The following KIF6 variants were observed in gnomAD, a reference collection of about 807,000 sequenced individuals.
KIF6 encodes kinesin family member 6, also known as kinesin-like protein KIF6.
KIF6 carries 106 observed loss-of-function variants against 112.7 expected under a neutral mutation model. That is an observed-to-expected ratio of 0.94 (90% CI 0.80 to 1.11). The LOEUF (loss-of-function observed/expected upper bound fraction) is 1.11, where lower values mean the gene tolerates loss of function less well. KIF6 is among the 50% of genes least tolerant of loss of function. The pLI, the probability that KIF6 is intolerant of heterozygous loss-of-function variation, is 0.00. For missense variants in KIF6, 929 were observed against 964.0 expected (o/e 0.96, Z 0.48); for synonymous variants, 339 against 339.9 (o/e 1.00, Z 0.03).
Position 39,336,546 on chromosome 6 carries a change from A to T in KIF6, c.2431T>A (p.Leu811Met). Residue 811 changes from leucine to methionine, a missense_variant and splice_region_variant, in exon 23 of 23, where the codon TTG (leucine) becomes ATG (methionine). Transcript: ENST00000287152. ...TTCCTGGAAATTCAATTGCTTCCCA[A>T]ACCTGAAAGGGAGACAGGATGCTTT... ...ARQSILQKQC[L>M]GSN 1 of 1,613,998 alleles carries T rather than the reference A, an allele frequency of 6.2e-7. No homozygotes were observed. The highest frequency in any genetic ancestry group is 8.5e-7 in the Non-Finnish European group (1 of 1,179,930).
chr6:39,424,441 ACTCTTTT>A (rs1416844206), intron 14 of KIF6, among the ~76,000 whole-genome samples: 1 of 152,042 alleles, frequency 6.6e-6, no homozygotes, highest in East Asian at 1.9e-4. Flanking sequence ...TGCTTAATTC[ACTCTTTT>A]CTCTGGGGCT....
At chr6:39,474,541 C>T (rs1320096231) in intron 13 of KIF6, among the ~76,000 whole-genome samples, 1 of 152,200 alleles carries the variant, frequency 6.6e-6, no homozygotes, top group Non-Finnish European at 1.5e-5. Context: ...TCTTATAAAC[C>T]TTGTATTTCA....
chr6:39,618,969 G>C (rs1257333688), intron 5 of KIF6, among the ~76,000 whole-genome samples: 1 of 152,102 alleles, frequency 6.6e-6, no homozygotes, highest in Non-Finnish European at 1.5e-5. Context: ...TCTGTAACCA[G>C]ATTGCTCAAA....
intron 15 of KIF6, among the ~76,000 whole-genome samples, chr6:39,412,140 A>C (rs551341335): frequency 3.3e-5 from 5 of 152,172 alleles, no homozygotes; most frequent in Non-Finnish European, 5.9e-5. Flanking sequence ...TTAGTGTTCA[A>C]TCTTGCTAGT....
intron 5 of KIF6, among the ~76,000 whole-genome samples, chr6:39,634,329 A>T (rs561396884): frequency 5.3e-5 from 8 of 152,178 alleles, no homozygotes; most frequent in Non-Finnish European, 1.0e-4. Flanking sequence ...TGAAGACGCT[A>T]TTTAAATTTC....
At chr6:39,450,730 G>A (rs1401915980) in intron 13 of KIF6, among the ~76,000 whole-genome samples, 3 of 152,160 alleles carry the variant, frequency 2.0e-5, no homozygotes, top group African/African-American at 4.8e-5. Context: ...GCCTGAGCCC[G>A]GGAGGTTGAG....
rs181038237 is a variant in KIF6 at position 39,470,129 on chromosome 6, G to A, written c.1646-38968C>T. Among the ~76,000 whole-genome samples the A allele has an allele frequency of 3.7e-3, 571 of 152,330 alleles. 2 individuals carry two copies. The highest frequency in any genetic ancestry group is 0.014 in the Middle Eastern group (4 of 294). On this transcript the variant is annotated intron_variant, in intron 13 of 22. Coordinates refer to ENST00000287152, the MANE Select transcript of KIF6 (RefSeq NM_145027.6). ...GTTCTTCCATCACAGAATGGTGGGAGGGAGGGCCAAAGTGGATTATAGAGC... is the reference window on the plus strand; with the variant it reads ...GTTCTTCCATCACAGAATGGTGGGAAGGAGGGCCAAAGTGGATTATAGAGC...
At chr6:39,609,081 G>A (rs560376974) in intron 6 of KIF6, among the ~76,000 whole-genome samples, 6 of 152,284 alleles carry the variant, frequency 3.9e-5, no homozygotes, top group Admixed American at 1.3e-4. Flanking sequence ...ACTTGTCCAA[G>A]GACACACACT....
intron 13 of KIF6, among the ~76,000 whole-genome samples, chr6:39,454,548 A>C (rs1772917833): frequency 6.6e-6 from 1 of 151,678 alleles, no homozygotes; most frequent in Non-Finnish European, 1.5e-5. Context: ...AAAAAAAAAA[A>C]AAAAGATCGA....
At chr6:39,534,744 C>G (rs1023902045) in intron 13 of KIF6, among the ~76,000 whole-genome samples, 1 of 152,064 alleles carries the variant, frequency 6.6e-6, no homozygotes, top group Admixed American at 6.6e-5. Flanking sequence ...AAGAGCAACT[C>G]CAAGACACAT....
chr6:39,470,694 C>T (rs28533484), intron 13 of KIF6, among the ~76,000 whole-genome samples: 1 of 151,186 alleles, frequency 6.6e-6, no homozygotes, highest in Non-Finnish European at 1.5e-5. Flanking sequence ...CATCTACTGA[C>T]AGCTGTTTCC....
In KIF6 at chr6:39,419,932, A is replaced by G; in HGVS notation, c.1810+16T>C. 6.2e-7 allele frequency: 1 copy of G among 1,605,608 alleles called. No individual in the cohort carries two copies. The highest frequency in any genetic ancestry group is 1.3e-5 in the African/African-American group (1 of 74,882). On this transcript the variant is annotated intron_variant, in intron 15 of 22. Transcript: ENST00000287152. Reference sequence around the variant, plus strand: ...AATGGTTTCTGAAAGAGGCTCACAGAATATCATCTGCTTACCAATTTTACT... The same window carrying G: ...AATGGTTTCTGAAAGAGGCTCACAGGATATCATCTGCTTACCAATTTTACT...
At chr6:39,338,824 G>C (rs1763163949) in intron 22 of KIF6, among the ~76,000 whole-genome samples, 1 of 152,118 alleles carries the variant, frequency 6.6e-6, no homozygotes, top group African/African-American at 2.4e-5. Context: ...CTGCTGCACT[G>C]TTGAAATGCA....
At chr6:39,337,910 G>A (rs1763119214) in intron 22 of KIF6, among the ~76,000 whole-genome samples, 2 of 152,212 alleles carry the variant, frequency 1.3e-5, no homozygotes, top group South Asian at 4.1e-4. Context: ...GTGGCTTCTT[G>A]CTTCACAAAA....
intron 13 of KIF6, among the ~76,000 whole-genome samples, chr6:39,501,820 A>G (rs1315194728): frequency 1.3e-5 from 2 of 152,224 alleles, no homozygotes; most frequent in Non-Finnish European, 2.9e-5. Context: ...TCTCCAAGAA[A>G]TATGGGATTA....
intron 2 of KIF6, among the ~76,000 whole-genome samples, chr6:39,716,417 C>T (rs1015526118): frequency 3.3e-5 from 5 of 152,106 alleles, no homozygotes; most frequent in East Asian, 1.9e-4. Context: ...TTTAGAAGAA[C>T]GATTTTAGCA....
chr6:39,498,095 C>A (rs1005288439), intron 13 of KIF6, among the ~76,000 whole-genome samples: 2 of 152,086 alleles, frequency 1.3e-5, no homozygotes, highest in Non-Finnish European at 2.9e-5. Flanking sequence ...CTGCATGCAG[C>A]TTGGGATTTG....
chr6:39,345,503 G>A (rs1763628823), intron 21 of KIF6, among the ~76,000 whole-genome samples, 197 bp downstream of exon 21: 1 of 152,178 alleles, frequency 6.6e-6, no homozygotes, highest in African/African-American at 2.4e-5. Context: ...GTGACTGTGG[G>A]AGAAAACCTC....
intron 16 of KIF6, among the ~76,000 whole-genome samples, chr6:39,379,555 A>G (rs1219403016): frequency 6.6e-6 from 1 of 152,236 alleles, no homozygotes; most frequent in African/African-American, 2.4e-5. Flanking sequence ...CATGAGGCGG[A>G]GGCAAAAGCA....
Sources: gnomAD v4.1 joint callset for allele counts (sites outside exome capture counted in the v4.1 genomes callset) on GRCh38, gnomAD v4.1.1 for gene constraint, MANE v1.5 for transcripts, NCBI Gene and HGNC (gene_info 2026-07-23, HGNC 2026-07-21) for gene names.